SLC9A9: variants seen among roughly 807,000 people sequenced by gnomAD.
SLC9A9 encodes sodium/hydrogen exchanger 9.
In SLC9A9, 62 loss-of-function variants were observed where a neutral mutation model predicts 77.8. The ratio of observed to expected loss-of-function variants is 0.80; its 90% CI spans 0.65 to 0.98. The LOEUF is 0.98. Among genes scored for constraint, SLC9A9 ranks in the 50% least tolerant of loss-of-function variants. The pLI, the probability that SLC9A9 is intolerant of heterozygous loss-of-function variation, is 0.00. For synonymous variants in SLC9A9, 320 were observed against 283.5 expected, an observed-to-expected ratio of 1.13 and a Z score of -1.29; for missense variants, 775 against 774.9, an observed-to-expected ratio of 1.00 and a Z score of 0.00.
intron 12 of SLC9A9, among the ~76,000 whole-genome samples, chr3:143,446,257 T>G (rs192962568): frequency 1.3e-5 from 2 of 151,960 alleles, no homozygotes; most frequent in East Asian, 3.9e-4. Context: ...GAGGCCAGTT[T>G]GTCGGTTGTA....
chr3:143,402,450 T>G (rs1043280694), intron 12 of SLC9A9, among the ~76,000 whole-genome samples: 76 of 123,454 alleles, frequency 6.2e-4, no homozygotes, highest in African/African-American at 3.0e-3. Context: ...CCTTTGTGTT[T>G]TTTTTTTTTT....
chr3:143,506,653 T>G (rs946506853), intron 9 of SLC9A9, among the ~76,000 whole-genome samples: 1 of 152,140 alleles, frequency 6.6e-6, no homozygotes, highest in Non-Finnish European at 1.5e-5. Context: ...ACATATGAGG[T>G]CTTGAGTCTA....
At chr3:143,279,735 G>A (rs192854895) in intron 14 of SLC9A9, among the ~76,000 whole-genome samples, 1 of 152,252 alleles carries the variant, frequency 6.6e-6, no homozygotes, top group East Asian at 1.9e-4. Flanking sequence ...CCCTGCAAAG[G>A]ACATGAACTC....
At chr3:143,290,024 G>A (rs569678823) in intron 14 of SLC9A9, among the ~76,000 whole-genome samples, 10 of 152,296 alleles carry the variant, frequency 6.6e-5, no homozygotes, top group South Asian at 2.1e-4. Context: ...CTTCACCACT[G>A]TCCCTAGCTA....
intron 4 of SLC9A9, among the ~76,000 whole-genome samples, chr3:143,724,304 C>T (rs990950552): frequency 2.6e-5 from 4 of 152,146 alleles, no homozygotes; most frequent in Non-Finnish European, 5.9e-5. Flanking sequence ...TCTGCTTCCC[C>T]TTTGCCTTCC....
chr3:143,717,739 C>T (rs1262266857), intron 4 of SLC9A9, among the ~76,000 whole-genome samples: 2 of 152,118 alleles, frequency 1.3e-5, no homozygotes, highest in Admixed American at 6.5e-5. Flanking sequence ...AGATGCACCC[C>T]ATTTGTTGGA....
At chr3:143,270,528 G>A (rs1457252678) in intron 14 of SLC9A9, among the ~76,000 whole-genome samples, 1 of 152,038 alleles carries the variant, frequency 6.6e-6, no homozygotes, top group African/African-American at 2.4e-5. Flanking sequence ...CAGTAGGTAT[G>A]GGTCAATAAA....
intron 6 of SLC9A9, among the ~76,000 whole-genome samples, chr3:143,645,069 T>G (rs1458364630): frequency 1.3e-5 from 2 of 152,162 alleles, no homozygotes; most frequent in Non-Finnish European, 2.9e-5. Context: ...TTCAAATAGT[T>G]GGAAGAAGCA....
intron 4 of SLC9A9, among the ~76,000 whole-genome samples, chr3:143,705,452 T>A (rs4839653): frequency 0.65 from 98,546 of 152,028 alleles, 32,316 homozygotes; most frequent in East Asian, 0.88. Context: ...TGAAAGGGTA[T>A]AATTGGATTA....
intron 9 of SLC9A9, among the ~76,000 whole-genome samples, chr3:143,520,763 C>A (rs557821355): frequency 6.6e-6 from 1 of 152,244 alleles, no homozygotes; most frequent in African/African-American, 2.4e-5. Flanking sequence ...GTGCTCTTAA[C>A]CTTGTACTGT....
intron 4 of SLC9A9, among the ~76,000 whole-genome samples, chr3:143,725,488 A>G (rs965247755): frequency 4.0e-5 from 6 of 151,824 alleles, no homozygotes; most frequent in South Asian, 2.1e-4. Flanking sequence ...AACCAACCCA[A>G]ATGTCCAACA....
At chr3:143,286,899 AT>A (rs2108412896) in intron 14 of SLC9A9, among the ~76,000 whole-genome samples, 1 of 152,306 alleles carries the variant, frequency 6.6e-6, no homozygotes, top group South Asian at 2.1e-4. Flanking sequence ...AGCCCATGTC[AT>A]TAGGAATCTT....
Position 143,574,156 on chromosome 3 carries a change from A to G in SLC9A9, c.932T>C (p.Leu311Pro), listed in dbSNP as rs770207019. ...KFTKLCEFPM[L>P]ETGLFFLLSW... ...AAGCAGGAAAAACAGGCCGGTTTCC[A>G]GCATCGGGAACTCACACAGCTTGGT... Residue 311 changes from leucine (L) to proline (P), a missense_variant, in exon 8 of 16, where the codon CTG becomes CCG. Transcript: ENST00000316549. The G allele has an allele frequency of 6.8e-6, 11 of 1,613,568 alleles. No homozygotes were observed. Among genetic ancestry groups the G allele is most frequent in the Non-Finnish European group, 9.3e-6 (11 of 1,179,612 alleles).
rs146997301 is a variant in SLC9A9, at chr3:143,656,525, C to T, written c.650-4165G>A. On this transcript the variant is annotated intron_variant, in intron 5 of 15. Transcript: ENST00000316549. ...GTCTTTAGGGTGATTTAGTGACAGCCCCTTCCCTAGAATCTCCATTAGCAG... is the reference window on the plus strand; with the variant it reads ...GTCTTTAGGGTGATTTAGTGACAGCTCCTTCCCTAGAATCTCCATTAGCAG... 6.2e-3 allele frequency among the ~76,000 whole-genome samples: 944 copies of T among 152,178 alleles called. 13 individuals carry two copies. The highest frequency in any genetic ancestry group is 0.022 in the African/African-American group (911 of 41,506).
At chr3:143,672,954 T>C (rs1032681746) in intron 5 of SLC9A9, among the ~76,000 whole-genome samples, 1 of 152,164 alleles carries the variant, frequency 6.6e-6, no homozygotes, top group Non-Finnish European at 1.5e-5. Flanking sequence ...GCCGTAACCA[T>C]AGTAACCCCA....
chr3:143,520,735 C>G (rs1255942582), intron 9 of SLC9A9, among the ~76,000 whole-genome samples: 1 of 152,148 alleles, frequency 6.6e-6, no homozygotes, highest in Non-Finnish European at 1.5e-5. Flanking sequence ...CTGAACCCAG[C>G]TAGTCTGACT....
At chr3:143,293,904 C>A (rs2030128796) in intron 14 of SLC9A9, among the ~76,000 whole-genome samples, 1 of 152,022 alleles carries the variant, frequency 6.6e-6, no homozygotes, top group Admixed American at 6.6e-5. Context: ...ATTGTTAAAA[C>A]CAAGCATTGA....
rs536872914 is a variant in SLC9A9 at position 143,591,156 on chromosome 3, C to T, written c.756-12433G>A. 5.3e-4 allele frequency among the ~76,000 whole-genome samples: 81 copies of T among 152,272 alleles called. 1 individual carries two copies. The South Asian group carries it at 0.016, about 29-fold the overall frequency. ...AATATTTGCACTGATAGACTCATTC[C>T]CCCAGACCCTTCCCTGATCTCCCAT... On this transcript the variant is annotated intron_variant, in intron 6 of 15. Transcript: ENST00000316549.
At chr3:143,466,038 G>T (rs2035275174) in intron 12 of SLC9A9, among the ~76,000 whole-genome samples, 1 of 152,176 alleles carries the variant, frequency 6.6e-6, no homozygotes, top group African/African-American at 2.4e-5. Flanking sequence ...TACATTTGTG[G>T]TTGTATTCAT....
Sources: allele counts gnomAD v4.1 joint callset (sites outside exome capture counted in the v4.1 genomes callset), GRCh38; gene constraint gnomAD v4.1.1; transcripts MANE v1.5; gene names NCBI Gene and HGNC (gene_info 2026-07-23, HGNC 2026-07-21).